Variants in MGAT5 observed in about 807,000 individuals in gnomAD.
The protein encoded by MGAT5 is alpha-1,6-mannosylglycoprotein 6-beta-N-acetylglucosaminyltransferase A.
A neutral mutation model predicts 94.3 loss-of-function variants in MGAT5; 30 were observed. The observed-to-expected ratio is 0.32, with a 90% CI of 0.24 to 0.43. The LOEUF is 0.43. Among genes scored for constraint, MGAT5 ranks in the 20% least tolerant of loss-of-function variants. The pLI is 1.00. For synonymous variants in MGAT5, 310 were observed against 322.9 expected (o/e 0.96, Z 0.43); for missense variants, 691 against 905.5 (o/e 0.76, Z 3.04).
At chr2:134,262,556 AAG>A (rs1683403001) in intron 1 of MGAT5, among the ~76,000 whole-genome samples, 1 of 152,104 alleles carries the variant, frequency 6.6e-6, no homozygotes, top group Admixed American at 6.5e-5. Context: ...TTTAAAACAA[AAG>A]TTTTTTTTCT....
intron 1 of MGAT5, among the ~76,000 whole-genome samples, chr2:134,124,822 T>C (rs145616807): frequency 1.4e-3 from 211 of 152,348 alleles, no homozygotes; most frequent in African/African-American, 4.5e-3. Context: ...GCCTCACTTA[T>C]TTGCATCCCT....
In MGAT5 at chr2:134,257,192, CTT is replaced by C. The variant is rs1247444852; in HGVS notation, c.241+2552_241+2553del. 6.6e-5 allele frequency among the ~76,000 whole-genome samples: 10 copies of C among 152,236 alleles called. No homozygotes were observed. In the East Asian group the frequency reaches 1.7e-3, roughly 26 times the overall value. On this transcript the variant is annotated intron_variant, in intron 1 of 15. Coordinates refer to ENST00000281923, the MANE Select transcript of MGAT5 (RefSeq NM_002410.5). ...AGCCACAAACGCTATCTGACATCAT[CTT>C]TTTAAGGATGTTATCAAGCAGATAA...
intron 4 of MGAT5, among the ~76,000 whole-genome samples, chr2:134,323,912 A>G (rs1687486524): frequency 6.6e-6 from 1 of 152,088 alleles, no homozygotes; most frequent in South Asian, 2.1e-4. Flanking sequence ...TTCGTGAGCC[A>G]TGTAACTACT....
At position 134,191,366 on chromosome 2, in the gene MGAT5, C is replaced by A. The variant is rs544970112; in HGVS notation, c.-142-62896C>A. Among the ~76,000 whole-genome samples, 91 of 152,360 alleles carry A rather than the reference C, an allele frequency of 6.0e-4. 1 individual carries two copies. Among genetic ancestry groups the A allele is most frequent in the African/African-American group, 2.0e-3 (85 of 41,592 alleles). ...GTGATTAAGTCATGCAGACTCAACCCTCCTGAATAGATGAATGAGGTTATC... is the reference window on the plus strand; with the variant it reads ...GTGATTAAGTCATGCAGACTCAACCATCCTGAATAGATGAATGAGGTTATC... On this transcript the variant is annotated intron_variant, in intron 1 of 16. Transcript: ENST00000409645.
In MGAT5 at chr2:134,318,674, G is replaced by C. The variant is rs1687146221; in HGVS notation, c.508G>C (p.Asp170His). 1.2e-6 allele frequency: 2 copies of C among 1,613,390 alleles called. No homozygotes were observed. The highest frequency in any genetic ancestry group is 1.7e-6 in the Non-Finnish European group (2 of 1,179,520). ...IKWMKDMWRS[D>H]PCYADYGVDG... is the part of the protein sequence containing the mutation. Reference sequence around the variant, plus strand: ...GTGGATGAAAGACATGTGGCGTTCAGATCCCTGCTACGCAGACTATGGAGT... The same window carrying C: ...GTGGATGAAAGACATGTGGCGTTCACATCCCTGCTACGCAGACTATGGAGT... Residue 170 changes from aspartate (D) to histidine (H), a missense_variant, in exon 4 of 16, where the codon GAT becomes CAT. Transcript: ENST00000281923.
intron 10 of MGAT5, 125 bp downstream of exon 10, chr2:134,362,533 C>G: frequency 8.5e-7 from 1 of 1,182,218 alleles, no homozygotes; most frequent in Non-Finnish European, 1.2e-6. Context: ...TAGACATAAA[C>G]AAGAATGTGC....
intron 1 of MGAT5, among the ~76,000 whole-genome samples, chr2:134,208,028 A>G (rs1395898164): frequency 2.0e-5 from 3 of 152,256 alleles, no homozygotes; most frequent in East Asian, 3.9e-4. Flanking sequence ...TCCTAACCCT[A>G]TCAGCTTTGT....
chr2:134,413,873 C>T (rs894776064), intron 12 of MGAT5, among the ~76,000 whole-genome samples: 4 of 152,170 alleles, frequency 2.6e-5, no homozygotes, highest in Admixed American at 2.6e-4. Flanking sequence ...GTTTATAAAA[C>T]ATATATTTTT....
At chr2:134,442,722 C>CCATG (rs1285103517) in intron 15 of MGAT5, among the ~76,000 whole-genome samples, 2 of 152,110 alleles carry the variant, frequency 1.3e-5, no homozygotes, top group Non-Finnish European at 2.9e-5. Context: ...GGCCTCTCAC[C>CCATG]CATGATCTTT....
intron 1 of MGAT5, among the ~76,000 whole-genome samples, chr2:134,156,003 G>T (rs1687459697): frequency 6.6e-6 from 1 of 152,254 alleles, no homozygotes; most frequent in Non-Finnish European, 1.5e-5. Context: ...TTGTAATTCT[G>T]TATTCATCCG....
At chr2:134,431,408 T>G (rs983719991) in intron 14 of MGAT5, among the ~76,000 whole-genome samples, 2 of 152,178 alleles carry the variant, frequency 1.3e-5, no homozygotes, top group Non-Finnish European at 2.9e-5. Context: ...GAGATTCTAT[T>G]GAACCCAGAA....
intron 2 of MGAT5, among the ~76,000 whole-genome samples, chr2:134,299,711 G>C (rs1472619326): frequency 6.6e-6 from 1 of 151,962 alleles, no homozygotes; most frequent in Non-Finnish European, 1.5e-5. Context: ...TTTCAGATTG[G>C]ATGTGTACAG....
chr2:134,321,123 C>T (rs1174923430), intron 4 of MGAT5, among the ~76,000 whole-genome samples: 1 of 152,172 alleles, frequency 6.6e-6, no homozygotes, highest in African/African-American at 2.4e-5. Context: ...CCTGCCTTCT[C>T]ATTTCCTTCT....
chr2:134,379,365 G>A (rs1394656140), intron 10 of MGAT5, among the ~76,000 whole-genome samples: 1 of 152,152 alleles, frequency 6.6e-6, no homozygotes, highest in Non-Finnish European at 1.5e-5. Flanking sequence ...TGTTATTGTG[G>A]CCAGTACCCA....
At chr2:134,241,233 G>T (rs538950533) in intron 1 of MGAT5, among the ~76,000 whole-genome samples, 1 of 152,308 alleles carries the variant, frequency 6.6e-6, no homozygotes, top group African/African-American at 2.4e-5. Flanking sequence ...TGTCCTTCCC[G>T]CTCTGGGAGA....
intron 2 of MGAT5, among the ~76,000 whole-genome samples, chr2:134,295,187 G>A (rs1200912974): frequency 6.6e-6 from 1 of 151,254 alleles, no homozygotes; most frequent in African/African-American, 2.4e-5. Flanking sequence ...ATTGACATTT[G>A]ATGGCTCTTC....
Position 134,189,592 on chromosome 2 carries a change from G to GTTTTTTTTTTTT in MGAT5, c.-142-64661_-142-64660insTTTTTTTTTTTT, listed in dbSNP as rs113582076. Among the ~76,000 whole-genome samples, 121 of 56,266 alleles carry GTTTTTTTTTTTT rather than the reference G, an allele frequency of 2.2e-3. 7 individuals are homozygous for GTTTTTTTTTTTT. The highest frequency in any genetic ancestry group is 7.0e-3 in the African/African-American group (112 of 16,092). The allele number at this position is 56,266 out of a possible 152,430, so 36.9% of individuals were successfully genotyped here. ...ACATATGACTAACCTCATGGCTCTA[G>GTTTTTTTTTTTT]TTTTTTTTTGTTTTTTTTTTTTTTT... On this transcript the variant is annotated intron_variant, in intron 1 of 16. Coordinates refer to the MGAT5 transcript ENST00000409645.
intron 1 of MGAT5, among the ~76,000 whole-genome samples, chr2:134,142,598 T>C (rs1686709357): frequency 6.6e-6 from 1 of 152,226 alleles, no homozygotes. Context: ...GTCACATGCT[T>C]CACATGACCA....
intron 5 of MGAT5, among the ~76,000 whole-genome samples, chr2:134,337,870 A>G (rs1688418655): frequency 6.6e-6 from 1 of 152,136 alleles, no homozygotes; most frequent in Non-Finnish European, 1.5e-5. Context: ...CCTGCTAAGA[A>G]TTGACTTCAG....
Sources: gnomAD v4.1 joint callset for allele counts (sites outside exome capture counted in the v4.1 genomes callset) on GRCh38, gnomAD v4.1.1 for gene constraint, MANE v1.5 for transcripts, NCBI Gene and HGNC (gene_info 2026-07-23, HGNC 2026-07-21) for gene names.